CNBD1: variants seen among roughly 807,000 people sequenced by gnomAD.
CNBD1 encodes cyclic nucleotide-binding domain-containing protein 1.
Under a neutral mutation model 54.4 loss-of-function variants are expected in CNBD1, and 71 were observed. The ratio of observed to expected loss-of-function variants is 1.30; its 90% confidence interval spans 1.08 to 1.59. The LOEUF (loss-of-function observed/expected upper bound fraction) is 1.59, where lower values mean the gene tolerates loss of function less well. Ranked by LOEUF, CNBD1 falls within the 40% of genes most tolerant of loss-of-function variation. The pLI is 0.00. For synonymous variants in CNBD1, 182 were observed against 170.7 expected (o/e 1.07, Z -0.51); for missense variants, 659 against 518.0 (o/e 1.27, Z -2.64).
intron 4 of CNBD1, among the ~76,000 whole-genome samples, chr8:86,956,492 C>A (rs2130458912): frequency 6.6e-6 from 1 of 152,250 alleles, no homozygotes; most frequent in South Asian, 2.1e-4. Flanking sequence ...TTGTTTGTGT[C>A]CTTTTTTATT....
chr8:87,161,544 C>G lies in CNBD1; in HGVS notation c.432-44449C>G, dbSNP rs531700377. 1.2e-4 allele frequency among the ~76,000 whole-genome samples: 18 copies of G among 152,096 alleles called. No individual in the cohort carries two copies. In the South Asian group the frequency reaches 2.3e-3, roughly 19 times the overall value. ...TAAAATAAATAGAGAAGGTGGACAG[C>G]AAAATTATTAAACAGAACAATTAAG... On this transcript the variant is annotated intron_variant, in intron 4 of 10. Coordinates refer to ENST00000518476, the MANE Select transcript of CNBD1 (RefSeq NM_173538.3).
Position 87,274,710 on chromosome 8 carries a change from T to G in CNBD1, c.772-9968T>G, listed in dbSNP as rs1362983855. 3.8e-4 allele frequency among the ~76,000 whole-genome samples: 51 copies of G among 134,022 alleles called. 7 individuals carry two copies. The highest frequency in any genetic ancestry group is 5.7e-4 in the African/African-American group (19 of 33,088). 87.9% of individuals were successfully genotyped at this position (134,022 alleles called of 152,430 possible). On this transcript the variant is annotated intron_variant, in intron 6 of 10. Coordinates refer to ENST00000518476, the MANE Select transcript of CNBD1 (RefSeq NM_173538.3). ...GTAGGTTGTGAAAATTTTCTCCCATTCTGTAGGTTGCCTGTTCACTCTGAT... is the reference window on the plus strand; with the variant it reads ...GTAGGTTGTGAAAATTTTCTCCCATGCTGTAGGTTGCCTGTTCACTCTGAT...
intron 4 of CNBD1, among the ~76,000 whole-genome samples, chr8:87,156,996 G>A (rs986223897): frequency 1.3e-5 from 2 of 152,082 alleles, no homozygotes; most frequent in African/African-American, 4.8e-5. Flanking sequence ...AACTTCTAAG[G>A]CACAGAGCTA....
At chr8:87,253,826 T>G (rs1807956320) in intron 6 of CNBD1, among the ~76,000 whole-genome samples, 1 of 151,948 alleles carries the variant, frequency 6.6e-6, no homozygotes, top group South Asian at 2.1e-4. Context: ...CAACAAAACA[T>G]TAAACATAAA....
chr8:87,372,861 C>T (rs149223470), intron 10 of CNBD1, among the ~76,000 whole-genome samples: 1,670 of 151,776 alleles, frequency 0.011, 10 homozygotes, highest in Non-Finnish European at 0.016. Context: ...ATGGTATTTT[C>T]CACTTTTTGT....
intron 8 of CNBD1, among the ~76,000 whole-genome samples, chr8:87,329,061 A>T (rs958846349): frequency 6.7e-6 from 1 of 148,942 alleles, no homozygotes; most frequent in Non-Finnish European, 1.5e-5. Context: ...TTTTTATTTT[A>T]AATTTAGGTC....
In CNBD1 at chr8:87,423,823, A is replaced by G. The variant is rs1014586977; in HGVS notation, c.214-4723A>G. Among the ~76,000 whole-genome samples, 54 of 152,072 alleles carry G rather than the reference A, an allele frequency of 3.6e-4. 1 individual carries two copies. Among genetic ancestry groups the G allele is most frequent in the South Asian group, 8.3e-4 (4 of 4,816 alleles). On this transcript the variant is annotated intron_variant, in intron 2 of 7. Transcript: ENST00000521593. ...GTTAGGGAGGATTCCCTCTTTTTCT[A>G]TTGATTGGAATAATTTCAGAAGGAA...
chr8:87,242,695 T>C (rs943260977), intron 6 of CNBD1, among the ~76,000 whole-genome samples: 1 of 152,190 alleles, frequency 6.6e-6, no homozygotes, highest in Non-Finnish European at 1.5e-5. Flanking sequence ...TCAACCACCT[T>C]GGGCACATGT....
intron 8 of CNBD1, among the ~76,000 whole-genome samples, chr8:87,309,639 T>A (rs1034213265): frequency 6.6e-6 from 1 of 152,130 alleles, no homozygotes; most frequent in Non-Finnish European, 1.5e-5. Context: ...TGTAGCTGTG[T>A]GTCTGTATCT....
intron 4 of CNBD1, among the ~76,000 whole-genome samples, chr8:87,010,843 T>A (rs1194057773): frequency 6.6e-6 from 1 of 152,244 alleles, no homozygotes; most frequent in Non-Finnish European, 1.5e-5. Context: ...AATTGATATC[T>A]GAAACTTCCA....
intron 4 of CNBD1, among the ~76,000 whole-genome samples, chr8:87,036,316 C>T (rs867607150): frequency 2.0e-5 from 3 of 151,928 alleles, no homozygotes; most frequent in Admixed American, 1.3e-4. Flanking sequence ...TGGTCACGGC[C>T]AGGCACGGTG....
intron 4 of CNBD1, among the ~76,000 whole-genome samples, chr8:87,058,841 A>C (rs1810480868): frequency 2.0e-5 from 3 of 152,166 alleles, no homozygotes; most frequent in Admixed American, 2.0e-4. Context: ...TGTTTTGGAG[A>C]TTAACATTTG....
intron 4 of CNBD1, among the ~76,000 whole-genome samples, chr8:87,018,894 C>T (rs1032830986): frequency 5.9e-5 from 9 of 151,798 alleles, no homozygotes; most frequent in South Asian, 2.1e-4. Context: ...ATGCCTAAAC[C>T]GCTGGTAAAA....
chr8:87,353,820 A>T (rs751237787), intron 10 of CNBD1, 34 bp downstream of exon 10: 1 of 1,498,762 alleles, frequency 6.7e-7, no homozygotes, highest in Non-Finnish European at 9.1e-7. Flanking sequence ...CTGTTATACC[A>T]TTTTATTGGA....
intron 5 of CNBD1, among the ~76,000 whole-genome samples, chr8:87,210,309 GCAA>G (rs1471532403): frequency 1.3e-5 from 2 of 152,136 alleles, no homozygotes; most frequent in African/African-American, 4.8e-5. Context: ...CCATATAACA[GCAA>G]CAACAAGAAC....
intron 3 of CNBD1, among the ~76,000 whole-genome samples, chr8:86,909,466 A>G (rs750436577): frequency 6.6e-6 from 1 of 152,160 alleles, no homozygotes; most frequent in Non-Finnish European, 1.5e-5. Flanking sequence ...AATAGTTTAC[A>G]TTTTTTAAAT....
chr8:86,946,224 A>G (rs1256787525), intron 4 of CNBD1, among the ~76,000 whole-genome samples: 2 of 152,160 alleles, frequency 1.3e-5, no homozygotes, highest in Non-Finnish European at 2.9e-5. Flanking sequence ...TTCATTTTTA[A>G]TATATTCAAG....
intron 8 of CNBD1, among the ~76,000 whole-genome samples, chr8:87,345,414 C>T (rs74371047): frequency 2.6e-5 from 4 of 152,156 alleles, no homozygotes; most frequent in East Asian, 1.9e-4. Context: ...TTTTTTGGTG[C>T]TCTACCCCTT....
intron 2 of CNBD1, among the ~76,000 whole-genome samples, chr8:86,891,811 A>C (rs767567041): frequency 1.4e-4 from 21 of 152,174 alleles, no homozygotes; most frequent in African/African-American, 2.4e-5. Context: ...ACACCTAAGT[A>C]ATCTATTTTT....
Sources: allele counts gnomAD v4.1 joint callset (sites outside exome capture counted in the v4.1 genomes callset), GRCh38; gene constraint gnomAD v4.1.1; transcripts MANE v1.5; gene names NCBI Gene and HGNC (gene_info 2026-07-23, HGNC 2026-07-21).